FAM163A: variants seen among roughly 807,000 people sequenced by gnomAD.
FAM163A encodes family with sequence similarity 163 member A.
In FAM163A, 7 loss-of-function variants were observed where a neutral mutation model predicts 12.0. The observed-to-expected ratio is 0.58, with a 90% CI of 0.33 to 1.10. FAM163A has a LOEUF of 1.10. FAM163A is among the 50% of genes least tolerant of loss of function. The pLI is 0.03. For missense variants in FAM163A, 202 were observed against 218.6 expected (o/e 0.92, Z 0.48); for synonymous variants, 101 against 91.0 (o/e 1.11, Z -0.62).
intron 1 of FAM163A, among the ~76,000 whole-genome samples, chr1:179,797,084 T>A (rs1193079245): frequency 1.3e-5 from 2 of 152,204 alleles, no homozygotes; most frequent in African/African-American, 4.8e-5. Flanking sequence ...TGCAAAGTGA[T>A]AATGATTCAG....
rs115356632 is a variant in FAM163A, at chr1:179,776,146, G to A, written c.-135-31652G>A. ...TTCTTGGACAGCTTATTCTGTGCCA[G>A]GTGCTGAAGAGATAAGAGCAGTGTA... On this transcript the variant is annotated intron_variant, in intron 1 of 4. Coordinates refer to ENST00000341785, the MANE Select transcript of FAM163A (RefSeq NM_173509.3). Among the ~76,000 whole-genome samples the A allele has an allele frequency of 7.7e-3, 1,171 of 152,256 alleles. 20 individuals carry two copies. Among genetic ancestry groups the A allele is most frequent in the African/African-American group, 0.026 (1,091 of 41,536 alleles).
At chr1:179,745,892 CAT>C (rs376554305) in intron 1 of FAM163A, among the ~76,000 whole-genome samples, 1 of 152,174 alleles carries the variant, frequency 6.6e-6, no homozygotes, top group African/African-American at 2.4e-5. Context: ...AACAGACACA[CAT>C]GTGGTAGCTG....
intron 1 of FAM163A, among the ~76,000 whole-genome samples, chr1:179,784,178 C>T (rs1285866277): frequency 6.6e-6 from 1 of 152,182 alleles, no homozygotes; most frequent in African/African-American, 2.4e-5. Flanking sequence ...ATCTGCCCTC[C>T]ACACATTATC....
chr1:179,775,207 G>A (rs960226209), intron 1 of FAM163A, among the ~76,000 whole-genome samples: 11 of 152,114 alleles, frequency 7.2e-5, no homozygotes, highest in East Asian at 1.9e-4. Context: ...ATTGGTTGCC[G>A]AAAGCAACCA....
At chr1:179,770,107 G>A (rs923865813) in intron 1 of FAM163A, among the ~76,000 whole-genome samples, 11 of 151,676 alleles carry the variant, frequency 7.3e-5, no homozygotes, top group South Asian at 2.1e-4. Context: ...GGGTTTCACC[G>A]TGTTAGCCAG....
chr1:179,775,811 G>A (rs1353049745), intron 1 of FAM163A, among the ~76,000 whole-genome samples: 1 of 152,184 alleles, frequency 6.6e-6, no homozygotes, highest in East Asian at 1.9e-4. Context: ...AAGAGCTGGG[G>A]CCGACCTTTA....
At chr1:179,758,845 A>G (rs1686406558) in intron 1 of FAM163A, among the ~76,000 whole-genome samples, 1 of 152,206 alleles carries the variant, frequency 6.6e-6, no homozygotes, top group Non-Finnish European at 1.5e-5. Flanking sequence ...CTAGCAACCA[A>G]AGAGATAATG....
intron 1 of FAM163A, among the ~76,000 whole-genome samples, chr1:179,743,955 G>A (rs1054731813): frequency 6.6e-6 from 1 of 152,226 alleles, no homozygotes; most frequent in Non-Finnish European, 1.5e-5. Flanking sequence ...GGGCCGACCG[G>A]CGGGGTCTGC....
At chr1:179,736,809 C>CA in the FAM163A span, among the ~76,000 whole-genome samples, 32 of 141,924 alleles carry the variant, frequency 2.3e-4, 1 homozygote, top group East Asian at 3.0e-3. Flanking sequence ...GACTCAGTCT[C>CA]AAAAAAAAAG....
intron 1 of FAM163A, among the ~76,000 whole-genome samples, chr1:179,747,009 G>A (rs2147957387): frequency 6.6e-6 from 1 of 152,186 alleles, no homozygotes; most frequent in African/African-American, 2.4e-5. Flanking sequence ...TTGCCCTAAT[G>A]TTCCCTTGTA....
chr1:179,762,893 T>C (rs1189217321), intron 1 of FAM163A, among the ~76,000 whole-genome samples: 1 of 152,092 alleles, frequency 6.6e-6, no homozygotes, highest in Non-Finnish European at 1.5e-5. Flanking sequence ...GAGGAAAAAA[T>C]AATTTTCCTT....
chr1:179,756,777 GAAGT>G (rs750991044), intron 1 of FAM163A, among the ~76,000 whole-genome samples: 23 of 152,290 alleles, frequency 1.5e-4, no homozygotes, highest in Non-Finnish European at 2.4e-4. Flanking sequence ...GAGGGAACAG[GAAGT>G]AAGGCCTGAA....
intron 1 of FAM163A, among the ~76,000 whole-genome samples, chr1:179,784,038 C>A (rs1270089819): frequency 6.6e-6 from 1 of 152,032 alleles, no homozygotes; most frequent in Non-Finnish European, 1.5e-5. Flanking sequence ...GGTGAGATTC[C>A]TGCTGCCTCT....
At chr1:179,801,479 C>G (rs536663309) in intron 1 of FAM163A, among the ~76,000 whole-genome samples, 1 of 152,298 alleles carries the variant, frequency 6.6e-6, no homozygotes, top group East Asian at 1.9e-4. Context: ...TGCAGGGACC[C>G]TGAGGCTCTT....
chr1:179,782,138 C>T (rs1012708862), intron 1 of FAM163A, among the ~76,000 whole-genome samples: 1 of 152,034 alleles, frequency 6.6e-6, no homozygotes, highest in African/African-American at 2.4e-5. Flanking sequence ...AATGATCTCA[C>T]GGGCCGGGTG....
At chr1:179,737,072 A>G in the FAM163A span, among the ~76,000 whole-genome samples, 1 of 152,222 alleles carries the variant, frequency 6.6e-6, no homozygotes, top group Non-Finnish European at 1.5e-5. Context: ...TGTTCATTGC[A>G]GCATTATCAC....
At chr1:179,760,555 A>G (rs1686674388) in intron 1 of FAM163A, among the ~76,000 whole-genome samples, 1 of 152,230 alleles carries the variant, frequency 6.6e-6, no homozygotes, top group African/African-American at 2.4e-5. Flanking sequence ...AGCACAACCC[A>G]GTAAAGATCC....
chr1:179,801,263 C>T (rs1483540284), intron 1 of FAM163A, among the ~76,000 whole-genome samples: 1 of 152,012 alleles, frequency 6.6e-6, no homozygotes, highest in Non-Finnish European at 1.5e-5. Flanking sequence ...GGATTTTTAA[C>T]TGGCAGGGAG....
chr1:179,781,702 C>T (rs1021823982), intron 1 of FAM163A, among the ~76,000 whole-genome samples: 10 of 152,126 alleles, frequency 6.6e-5, no homozygotes, highest in African/African-American at 2.4e-4. Context: ...TTGGGAGGCC[C>T]AGGCGGGAGG....
Sources: gnomAD v4.1 joint callset for allele counts (sites outside exome capture counted in the v4.1 genomes callset) on GRCh38, gnomAD v4.1.1 for gene constraint, MANE v1.5 for transcripts, NCBI Gene and HGNC (gene_info 2026-07-23, HGNC 2026-07-21) for gene names.